PRKDC: variants seen among roughly 807,000 people sequenced by gnomAD.
PRKDC encodes the protein protein kinase, DNA-activated, catalytic subunit.
A neutral mutation model predicts 486.9 loss-of-function variants in PRKDC; 82 were observed. That is an observed-to-expected ratio of 0.17 (90% CI 0.14 to 0.20). PRKDC has a LOEUF of 0.20. PRKDC is among the 10% of genes least tolerant of loss of function. The pLI, the probability that PRKDC is intolerant of heterozygous loss-of-function variation, is 1.00. For missense variants in PRKDC, 4,504 were observed against 5,038.2 expected (o/e 0.89, Z 3.21); for synonymous variants, 1,895 against 1,837.0 (o/e 1.03, Z -0.81).
intron 7 of PRKDC, among the ~76,000 whole-genome samples, chr8:47,947,712 A>C (rs1280488106): frequency 6.6e-6 from 1 of 152,200 alleles, no homozygotes; most frequent in African/African-American, 2.4e-5. Context: ...GTTCAAGACC[A>C]GCCTGGGCAA....
intron 22 of PRKDC, among the ~76,000 whole-genome samples, 189 bp from the exon 23 acceptor site, chr8:47,915,607 T>C (rs1328174052): frequency 6.6e-6 from 1 of 152,238 alleles, no homozygotes; most frequent in East Asian, 1.9e-4. Context: ...TTTATGTAGG[T>C]CCTGTTTATC....
chr8:47,800,764 A>G, intron 71 of PRKDC, 29 bp downstream of exon 71: 1 of 1,568,450 alleles, frequency 6.4e-7, no homozygotes, highest in Non-Finnish European at 8.7e-7. Flanking sequence ...TACACAGCAC[A>G]CTAGCGTAAA....
At chr8:47,875,742 T>C (rs982219014) in intron 40 of PRKDC, among the ~76,000 whole-genome samples, 2 of 152,248 alleles carry the variant, frequency 1.3e-5, no homozygotes, top group Non-Finnish European at 2.9e-5. Flanking sequence ...TGAATTCTAA[T>C]TTAACTTCAC....
Position 47,957,447 on chromosome 8 carries a change from A to T in PRKDC, c.155-16T>A, listed in dbSNP as rs190759880. 1 of 1,557,452 alleles carries T rather than the reference A, an allele frequency of 6.4e-7. No homozygotes were observed. Among genetic ancestry groups the T allele is most frequent in the African/African-American group, 1.4e-5 (1 of 73,742 alleles). On this transcript the variant is annotated splice_polypyrimidine_tract_variant and intron_variant, in intron 1 of 85. Transcript: ENST00000314191. ...GTCTGTAATGCTGTTCAAAAAAATA[A>T]GTAAACAAGTTAAGAGAGTGCCAAG...
chr8:47,907,056 T>G (rs75018907), intron 25 of PRKDC, among the ~76,000 whole-genome samples: 1 of 151,534 alleles, frequency 6.6e-6, no homozygotes, highest in Non-Finnish European at 1.5e-5. Context: ...GTTTTTTTTT[T>G]GAGACGGAGT....
Position 47,890,417 on chromosome 8 carries a change from T to C in PRKDC, c.3911A>G (p.His1304Arg), listed in dbSNP as rs1315944028. 8 of 1,597,900 alleles carry C rather than the reference T, an allele frequency of 5.0e-6. No individual in the cohort carries two copies. The highest frequency in any genetic ancestry group is 1.3e-5 in the African/African-American group (1 of 74,712). Residue 1304 changes from histidine to arginine, a missense_variant, in exon 32 of 86, where the codon CAT (histidine) becomes CGT (arginine). Around this residue, in one of 6 missense-constraint regions of PRKDC, gnomAD observed 1,969 missense variants for 2,068.9 expected, o/e 0.95. Coordinates refer to ENST00000314191, the MANE Select transcript of PRKDC (RefSeq NM_006904.7). The part of the protein sequence containing the change: ...VAFFLESIAM[H>R]DIIAAEKCFG... ...GCACTTTTCTGCTGCTATAATGTCA[T>C]GCATGGCAATGCTTTCTAAGAAGAA...
At chr8:47,885,587 A>G (rs1260512461) in intron 36 of PRKDC, among the ~76,000 whole-genome samples, 1 of 152,140 alleles carries the variant, frequency 6.6e-6, no homozygotes, top group Non-Finnish European at 1.5e-5. Context: ...CAACCCTTTT[A>G]TAAGGATTAT....
Position 47,817,465 on chromosome 8 carries a change from T to G in PRKDC, c.9542A>C (p.Asp3181Ala). ...AKMDPMNIWD[D>A]IITNRCFFLS... ...CACGTCTTACCGATTTGTGATGATG[T>G]CATCCCAGATGTTCATTGGGTCCAT... The change falls in exon 68 of 86, where the codon GAC becomes GCC. Residue 3181 changes from aspartate (D) to alanine (A), a missense_variant. By Grantham distance (126) the Asp-to-Ala change is moderately radical (BLOSUM62 -2). Transcript: ENST00000314191. 6.2e-7 allele frequency: 1 copy of G among 1,600,622 alleles called. No homozygotes were observed. Among genetic ancestry groups the G allele is most frequent in the Non-Finnish European group, 8.5e-7 (1 of 1,171,656 alleles).
intron 11 of PRKDC, among the ~76,000 whole-genome samples, chr8:47,938,030 G>A (rs763477541): frequency 2.6e-5 from 4 of 152,124 alleles, no homozygotes; most frequent in Non-Finnish European, 5.9e-5. Flanking sequence ...CAGCAGGATT[G>A]CTTAGCCCTA....
Position 47,953,719 on chromosome 8 carries a change from T to A in PRKDC, c.622A>T (p.Met208Leu). ...TTGGGCTCTCTTACTGCTGATGTCA[T>A]CTAAAAGAAAAGATTTAAGAAGATG... ...RAFLGELKTQ[M>L]TSAVREPKLP... Residue 208 changes from methionine to leucine, a missense_variant and splice_region_variant, in exon 7 of 86, where the codon ATG becomes TTG. Transcript: ENST00000314191. 1 of 1,609,500 alleles carries A rather than the reference T, an allele frequency of 6.2e-7. No individual in the cohort carries two copies. The highest frequency in any genetic ancestry group is 8.5e-7 in the Non-Finnish European group (1 of 1,177,840).
intron 21 of PRKDC, among the ~76,000 whole-genome samples, chr8:47,922,389 T>G (rs939195924): frequency 6.6e-6 from 1 of 152,096 alleles, no homozygotes; most frequent in Non-Finnish European, 1.5e-5. Flanking sequence ...GGAGAACTGC[T>G]TGAACCCGGG....
chr8:47,789,048 T>A lies in PRKDC; in HGVS notation c.10760A>T (p.Asp3587Val). The change falls in exon 76 of 86, where the codon GAT (aspartate) becomes GTT (valine). Residue 3587 changes from aspartate (D) to valine (V), a missense_variant and splice_region_variant. Asp to Val is a radical substitution (Grantham distance 152). This residue lies in a region of PRKDC where 706 missense variants were observed against 945.0 expected (regional missense o/e 0.75). Coordinates refer to ENST00000314191, the MANE Select transcript of PRKDC (RefSeq NM_006904.7). ...TTCAGCTCTTACATCATTGCTCCAA[T>A]CCTGTCAGGGGAAAAAAAAAGTAAG... is the stretch of plus-strand genomic sequence containing the variant. ...QLSNPELLFK[D>V]WSNDVRAELA... The A allele has an allele frequency of 6.2e-7, 1 of 1,612,022 alleles. No individual in the cohort carries two copies. The highest frequency in any genetic ancestry group is 8.5e-7 in the Non-Finnish European group (1 of 1,179,312).
In PRKDC at chr8:47,852,598, C is replaced by A. The variant is rs2088433931; in HGVS notation, c.7005+75G>T. 5.7e-6 allele frequency: 5 copies of A among 870,542 alleles called. No individual in the cohort carries two copies. In the East Asian group the frequency reaches 8.4e-5, roughly 15 times the overall value. 53.9% of individuals were successfully genotyped at this position (870,542 alleles called of 1,614,324 possible). ...TTTCTAATACCATACAAGAAATAAA[C>A]ATATAAGTATCAAGGGTCATAACAA... is the stretch of plus-strand genomic sequence containing the variant. On this transcript the variant is annotated intron_variant, in intron 52 of 85. Transcript: ENST00000314191.
chr8:47,854,488 G>A (rs958230960), intron 50 of PRKDC, among the ~76,000 whole-genome samples: 4 of 152,028 alleles, frequency 2.6e-5, no homozygotes, highest in Non-Finnish European at 4.4e-5. Flanking sequence ...ACAGACGCCC[G>A]CCACCACACC....
At chr8:47,952,153 G>C (rs2090635036) in intron 7 of PRKDC, among the ~76,000 whole-genome samples, 1 of 152,170 alleles carries the variant, frequency 6.6e-6, no homozygotes, top group African/African-American at 2.4e-5. Flanking sequence ...ACTGCCAACA[G>C]ATTTCTGTAC....
At chr8:47,781,107 C>T (rs1185670294) in intron 80 of PRKDC, among the ~76,000 whole-genome samples, 1 of 152,206 alleles carries the variant, frequency 6.6e-6, no homozygotes, top group African/African-American at 2.4e-5. Flanking sequence ...TGCGGTTCCA[C>T]GCTACCATTC....
chr8:47,782,791 G>A lies in PRKDC; in HGVS notation c.11176-193C>T, dbSNP rs976624027. 1 of 605,430 alleles carries A rather than the reference G, an allele frequency of 1.7e-6. No homozygotes were observed. Among genetic ancestry groups the A allele is most frequent in the Non-Finnish European group, 2.9e-6 (1 of 343,978 alleles). The allele number at this position is 605,430 out of a possible 1,614,324, so 37.5% of individuals were successfully genotyped here. On this transcript the variant is annotated intron_variant, in intron 78 of 85. Transcript: ENST00000314191. This position sits in a 1 kb window ranked among gnomAD's most constrained non-coding sequence, Gnocchi z 4.9. The stretch of plus-strand genomic sequence containing the variant: ...TGACTGCTGTGCCCGCAGAAATGTT[G>A]TATTCCTGATTATAAATACTTGCTT...
chr8:47,778,170 A>C (rs1398179312), intron 83 of PRKDC, among the ~76,000 whole-genome samples: 1 of 152,156 alleles, frequency 6.6e-6, no homozygotes, highest in Admixed American at 6.5e-5. Flanking sequence ...CACATTTTTG[A>C]CCAGACATTT....
At chr8:47,959,252 C>G (rs991358988) in intron 1 of PRKDC, 2 of 152,168 alleles carry the variant, frequency 1.3e-5, no homozygotes, top group African/African-American at 4.8e-5. Context: ...AAAGTTCCCA[C>G]CCAGGCATTG....
Sources: gnomAD v4.1 joint callset for allele counts (sites outside exome capture counted in the v4.1 genomes callset) on GRCh38, gnomAD v4.1.1 for gene constraint, gnomAD v4.1.1 regional missense constraint, Gnocchi (gnomAD v3.1) non-coding constraint, MANE v1.5 for transcripts, NCBI Gene and HGNC (gene_info 2026-07-23, HGNC 2026-07-21) for gene names.